EHMT1: variants seen among roughly 807,000 people sequenced by gnomAD.
EHMT1 encodes euchromatic histone lysine methyltransferase 1.
EHMT1 carries 15 observed loss-of-function variants against 147.2 expected under a neutral mutation model. That is an observed-to-expected ratio of 0.10 (90% CI 0.07 to 0.16). EHMT1 has a LOEUF of 0.16. EHMT1 is among the 10% of genes least tolerant of loss of function. The pLI, the probability that EHMT1 is intolerant of heterozygous loss-of-function variation, is 1.00. For missense variants in EHMT1, 1,587 were observed against 1,772.4 expected (o/e 0.90, Z 1.88); for synonymous variants, 795 against 709.6 (o/e 1.12, Z -1.91).
At chr9:137,792,464 G>T (rs1367797763) in intron 16 of EHMT1, among the ~76,000 whole-genome samples, 1 of 152,196 alleles carries the variant, frequency 6.6e-6, no homozygotes, top group Non-Finnish European at 1.5e-5. Context: ...CAGCACGTTG[G>T]GAGGCTGAGG....
intron 6 of EHMT1, among the ~76,000 whole-genome samples, chr9:137,748,358 C>T (rs763127474): frequency 1.3e-5 from 2 of 152,164 alleles, no homozygotes; most frequent in African/African-American, 2.4e-5. Context: ...GCCAGGGAGG[C>T]GACCATACAG....
chr9:137,655,159 T>C (rs140180982), intron 1 of EHMT1, among the ~76,000 whole-genome samples: 7 of 152,084 alleles, frequency 4.6e-5, no homozygotes, highest in African/African-American at 1.7e-4. Context: ...CCACTACGCT[T>C]GGCTAATTTT....
intron 1 of EHMT1, among the ~76,000 whole-genome samples, chr9:137,659,556 A>ATT (rs750059438): frequency 2.8e-5 from 4 of 140,910 alleles, no homozygotes; most frequent in African/African-American, 2.6e-5. Flanking sequence ...CCTTTAAAAA[A>ATT]TTTTTTTTTT....
rs182129869 is a variant in EHMT1 at position 137,686,804 on chromosome 9, C to T, written c.22-24163C>T. 5.3e-3 allele frequency among the ~76,000 whole-genome samples: 794 copies of T among 149,606 alleles called. 10 individuals are homozygous for T. The highest frequency in any genetic ancestry group is 0.019 in the African/African-American group (749 of 40,218). ...AGAGTGCAGTGGCGTGATCTCGGCT[C>T]GCTACAAGCTCTGCCTCCCGGGTTC... On this transcript the variant is annotated intron_variant, in intron 1 of 26. Coordinates refer to ENST00000460843, the MANE Select transcript of EHMT1 (RefSeq NM_024757.5).
At chr9:137,812,945 A>G in intron 19 of EHMT1, 61 bp from the exon 20 acceptor site, 1 of 1,599,194 alleles carries the variant, frequency 6.3e-7, no homozygotes, top group Non-Finnish European at 8.6e-7. Flanking sequence ...TATAAATCTC[A>G]TCTGTATCAC....
intron 4 of EHMT1, among the ~76,000 whole-genome samples, chr9:137,735,628 G>A (rs1160054230): frequency 2.6e-5 from 4 of 152,210 alleles, no homozygotes; most frequent in African/African-American, 9.7e-5. Flanking sequence ...GATGTGGTTT[G>A]TCCACACCAA....
chr9:137,682,702 G>T (rs551977375), intron 1 of EHMT1, among the ~76,000 whole-genome samples: 4 of 152,332 alleles, frequency 2.6e-5, no homozygotes, highest in African/African-American at 9.6e-5. Context: ...CCTTCCCCGT[G>T]GGCGGTGAGC....
rs2136659610 is a variant in EHMT1 at position 137,775,627 on chromosome 9, G to C, written c.1791+375G>C. 6.6e-6 allele frequency among the ~76,000 whole-genome samples: 1 copy of C among 152,070 alleles called. No individual in the cohort carries two copies. The highest frequency in any genetic ancestry group is 2.0e-4 in the East Asian group (1 of 5,096). Reference sequence around the variant, plus strand: ...TGACGCACTGGAGACTCCAGGTGGAGGCTGTACTGAGGACGTTCATCCCCC... The same window carrying C: ...TGACGCACTGGAGACTCCAGGTGGACGCTGTACTGAGGACGTTCATCCCCC... On this transcript the variant is annotated intron_variant, in intron 11 of 26. Coordinates refer to ENST00000460843, the MANE Select transcript of EHMT1 (RefSeq NM_024757.5). This position sits in a 1 kb window ranked among gnomAD's most constrained non-coding sequence, Gnocchi z 6.1.
chr9:137,772,074 T>C (rs557029106), intron 10 of EHMT1, among the ~76,000 whole-genome samples: 2 of 152,210 alleles, frequency 1.3e-5, no homozygotes, highest in South Asian at 2.1e-4. Context: ...TAAATTGCGC[T>C]GAGAAAGTGC....
At chr9:137,627,126 T>C (rs1395184110) in intron 1 of EHMT1, among the ~76,000 whole-genome samples, 1 of 152,026 alleles carries the variant, frequency 6.6e-6, no homozygotes, top group Non-Finnish European at 1.5e-5. Context: ...GCTCGGCTAA[T>C]TTTTGTATTT....
At chr9:137,779,542 C>T in intron 13 of EHMT1, 93 bp from the exon 14 acceptor site, 9 of 1,354,924 alleles carry the variant, frequency 6.6e-6, no homozygotes, top group Non-Finnish European at 9.4e-6. Context: ...GCTTGAGGGG[C>T]TGGTGGGGAG....
At chr9:137,626,926 G>C (rs923938193) in intron 1 of EHMT1, among the ~76,000 whole-genome samples, 2 of 151,810 alleles carry the variant, frequency 1.3e-5, no homozygotes, top group African/African-American at 4.8e-5. Context: ...GGGATTACAG[G>C]CGTGCACTAC....
In EHMT1 at chr9:137,675,802, T is replaced by TTTTTTTTTTTTG. The variant is rs35541714; in HGVS notation, c.22-35165_22-35164insTTTTTTTTTTTG. ...TAATTTTTTTTTTTTTTTTTTTTTT[T>TTTTTTTTTTTTG]AGACGGAGTCTCGCTCTGTCGCCCA... On this transcript the variant is annotated intron_variant, in intron 1 of 26. Transcript: ENST00000460843. Among the ~76,000 whole-genome samples the TTTTTTTTTTTTG allele has an allele frequency of 7.4e-4, 77 of 104,722 alleles. 3 individuals carry two copies. Among genetic ancestry groups the TTTTTTTTTTTTG allele is most frequent in the African/African-American group, 3.0e-3 (72 of 23,800 alleles). 68.7% of individuals were successfully genotyped at this position (104,722 alleles called of 152,430 possible).
chr9:137,762,654 CAT>C lies in EHMT1; in HGVS notation c.1502-20_1502-19del, dbSNP rs771706836. 6.2e-6 allele frequency: 10 copies of C among 1,614,138 alleles called. No individual in the cohort carries two copies. The highest frequency in any genetic ancestry group is 1.1e-5 in the South Asian group (1 of 91,086). ...TTGAGGTCAGGATTGCATGAGCTGA[CAT>C]GTGTCTGTGTGACGTTAGGGTTGGC... On this transcript the variant is annotated intron_variant, in intron 9 of 26. Transcript: ENST00000460843.
At chr9:137,778,652 C>T (rs1414636906) in intron 13 of EHMT1, among the ~76,000 whole-genome samples, 2 of 152,110 alleles carry the variant, frequency 1.3e-5, no homozygotes, top group African/African-American at 2.4e-5. Context: ...CTGACCAGAC[C>T]CCAGACTGTT....
intron 15 of EHMT1, chr9:137,785,611 G>A (rs778774325): frequency 2.0e-5 from 3 of 152,200 alleles, no homozygotes; most frequent in Non-Finnish European, 4.4e-5. Flanking sequence ...TTCCTTTTGA[G>A]AATTTAGCTT....
intron 10 of EHMT1, 73 bp downstream of exon 10, chr9:137,762,893 A>G: frequency 6.2e-7 from 1 of 1,600,062 alleles, no homozygotes; most frequent in Non-Finnish European, 8.5e-7. Context: ...AGGGGCCCCG[A>G]CAGCCCCTCG....
intron 14 of EHMT1, among the ~76,000 whole-genome samples, chr9:137,781,042 T>C (rs62589693): frequency 2.4e-3 from 265 of 111,304 alleles, no homozygotes; most frequent in Middle Eastern, 5.7e-3. Flanking sequence ...CGTGTGGTGA[T>C]GACGCCGAGA....
At chr9:137,823,957 A>G (rs1038171815) in intron 25 of EHMT1, among the ~76,000 whole-genome samples, 1 of 152,228 alleles carries the variant, frequency 6.6e-6, no homozygotes, top group Non-Finnish European at 1.5e-5. Context: ...TGTGATGTGA[A>G]TATTTTCTTA....
Sources: allele counts gnomAD v4.1 joint callset (sites outside exome capture counted in the v4.1 genomes callset), GRCh38; gene constraint gnomAD v4.1.1; non-coding constraint Gnocchi (gnomAD v3.1); transcripts MANE v1.5; gene names NCBI Gene and HGNC (gene_info 2026-07-23, HGNC 2026-07-21).